The following LUZP2 variants were observed in gnomAD, a reference collection of about 807,000 sequenced individuals.
The protein encoded by LUZP2 is leucine zipper protein 2.
In LUZP2, 52 loss-of-function variants were observed where a neutral mutation model predicts 51.6. The observed-to-expected ratio is 1.01, with a 90% CI of 0.81 to 1.27. LUZP2 has a LOEUF of 1.27. Among genes scored for constraint, LUZP2 ranks in the 50% most tolerant of loss-of-function variants. The pLI is 0.00. For synonymous variants in LUZP2, 154 were observed against 137.3 expected, an observed-to-expected ratio of 1.12 and a Z score of -0.85; for missense variants, 436 against 395.4, an observed-to-expected ratio of 1.10 and a Z score of -0.87.
chr11:24,948,455 C>T lies in LUZP2; in HGVS notation c.523-28136C>T, dbSNP rs111700231. ...CAAAGGTAATTTATATGCCCTGCTA[C>T]AATGCCATCTGTTTCTTAAATATGT... On this transcript the variant is annotated intron_variant, in intron 7 of 11. Coordinates refer to ENST00000336930, the MANE Select transcript of LUZP2 (RefSeq NM_001009909.4). Among the ~76,000 whole-genome samples the T allele has an allele frequency of 7.5e-3, 1,133 of 151,798 alleles. 15 individuals are homozygous for T. Among genetic ancestry groups the T allele is most frequent in the African/African-American group, 0.023 (947 of 41,480 alleles).
intron 1 of LUZP2, among the ~76,000 whole-genome samples, chr11:24,633,729 T>C (rs1047966912): frequency 1.3e-5 from 2 of 151,968 alleles, no homozygotes; most frequent in African/African-American, 4.8e-5. Context: ...TTCTATCTCA[T>C]AATGAATGAA....
intron 9 of LUZP2, among the ~76,000 whole-genome samples, chr11:24,993,770 G>A (rs1382388082): frequency 6.6e-6 from 1 of 151,376 alleles, no homozygotes; most frequent in East Asian, 1.9e-4. Context: ...TCTGGGGGTT[G>A]TATTTTCACT....
chr11:24,737,721 T>G (rs1395167476), intron 3 of LUZP2, among the ~76,000 whole-genome samples: 2 of 152,058 alleles, frequency 1.3e-5, no homozygotes, highest in African/African-American at 4.8e-5. Flanking sequence ...TTAAAATAAG[T>G]TTCTTTTCCC....
intron 1 of LUZP2, among the ~76,000 whole-genome samples, chr11:24,555,020 C>T (rs1851824490): frequency 6.6e-6 from 1 of 152,052 alleles, no homozygotes; most frequent in Non-Finnish European, 1.5e-5. Context: ...AATAAAGCTC[C>T]TACTTGCCTG....
chr11:24,916,071 C>G (rs1335693185), intron 7 of LUZP2, among the ~76,000 whole-genome samples: 3 of 151,798 alleles, frequency 2.0e-5, no homozygotes, highest in African/African-American at 7.2e-5. Flanking sequence ...ACATTTCATC[C>G]TAAAAATAAT....
At chr11:24,714,824 AC>A (rs1857975605) in intron 1 of LUZP2, among the ~76,000 whole-genome samples, 1 of 152,136 alleles carries the variant, frequency 6.6e-6, no homozygotes, top group Non-Finnish European at 1.5e-5. Flanking sequence ...TGGAGGCATC[AC>A]CTTCTGTGCA....
intron 1 of LUZP2, among the ~76,000 whole-genome samples, chr11:24,680,299 T>C (rs888809736): frequency 6.6e-6 from 1 of 152,198 alleles, no homozygotes; most frequent in Non-Finnish European, 1.5e-5. Context: ...GCTGCTTCTG[T>C]AGCAGCACTA....
intron 7 of LUZP2, among the ~76,000 whole-genome samples, chr11:24,973,584 A>G (rs969235358): frequency 6.6e-6 from 1 of 151,892 alleles, no homozygotes; most frequent in African/African-American, 2.4e-5. Context: ...TTTTGGTGCT[A>G]TAAATTTCCT....
intron 9 of LUZP2, among the ~76,000 whole-genome samples, chr11:25,011,589 A>C (rs1475280494): frequency 2.6e-5 from 4 of 152,170 alleles, no homozygotes; most frequent in African/African-American, 4.8e-5. Context: ...TTTTATATTA[A>C]AACAAGACAT....
At chr11:24,991,163 C>T (rs1856322415) in intron 9 of LUZP2, among the ~76,000 whole-genome samples, 1 of 151,830 alleles carries the variant, frequency 6.6e-6, no homozygotes. Context: ...TTGTATCATT[C>T]ATATGCCTTT....
At chr11:24,843,217 G>T (rs1388443754) in intron 5 of LUZP2, among the ~76,000 whole-genome samples, 1 of 151,894 alleles carries the variant, frequency 6.6e-6, no homozygotes, top group Admixed American at 6.6e-5. Flanking sequence ...AAGAAACAGA[G>T]TTATTAGTTA....
intron 7 of LUZP2, among the ~76,000 whole-genome samples, chr11:24,917,941 A>G (rs536346089): frequency 2.6e-5 from 4 of 152,136 alleles, no homozygotes; most frequent in African/African-American, 9.6e-5. Flanking sequence ...GGCCATTTTC[A>G]TGATATTGAT....
At chr11:24,816,923 A>G (rs1300518162) in intron 5 of LUZP2, among the ~76,000 whole-genome samples, 2 of 152,096 alleles carry the variant, frequency 1.3e-5, no homozygotes, top group Non-Finnish European at 2.9e-5. Flanking sequence ...GCCGAAACCA[A>G]GCAAGAAAGA....
chr11:24,610,800 C>G (rs1384683767), intron 1 of LUZP2, among the ~76,000 whole-genome samples: 1 of 152,122 alleles, frequency 6.6e-6, no homozygotes, highest in Non-Finnish European at 1.5e-5. Flanking sequence ...ACAAAATGAG[C>G]TGGGCGTGGG....
chr11:24,540,320 T>C, intron 1 of LUZP2, among the ~76,000 whole-genome samples: 1 of 152,094 alleles, frequency 6.6e-6, no homozygotes, highest in East Asian at 1.9e-4. Flanking sequence ...ATCCCTCCAA[T>C]ATGATGGTAT....
intron 1 of LUZP2, among the ~76,000 whole-genome samples, chr11:24,598,047 G>A (rs989419858): frequency 1.3e-5 from 2 of 151,324 alleles, no homozygotes; most frequent in Non-Finnish European, 2.9e-5. Flanking sequence ...GTTGCGGTGA[G>A]CAGAGATTGC....
intron 1 of LUZP2, among the ~76,000 whole-genome samples, chr11:24,594,610 T>C (rs1853370849): frequency 6.6e-6 from 1 of 152,114 alleles, no homozygotes; most frequent in Admixed American, 6.6e-5. Context: ...CAAGGCCAAA[T>C]TCTATAAACA....
At chr11:24,782,773 G>T (rs1476215603) in intron 5 of LUZP2, among the ~76,000 whole-genome samples, 1 of 151,940 alleles carries the variant, frequency 6.6e-6, no homozygotes, top group Non-Finnish European at 1.5e-5. Flanking sequence ...TCATCAAAAA[G>T]GAAATAAAAG....
intron 9 of LUZP2, among the ~76,000 whole-genome samples, chr11:25,015,344 T>C (rs559635734): frequency 3.9e-5 from 6 of 152,322 alleles, no homozygotes; most frequent in East Asian, 1.9e-4. Context: ...GCTACATATA[T>C]CAAAACAAAG....
Sources: gnomAD v4.1 joint callset for allele counts (sites outside exome capture counted in the v4.1 genomes callset) on GRCh38, gnomAD v4.1.1 for gene constraint, MANE v1.5 for transcripts, NCBI Gene and HGNC (gene_info 2026-07-23, HGNC 2026-07-21) for gene names.